The following AGBL1 variants were observed in gnomAD, a reference collection of about 807,000 sequenced individuals.
AGBL1 encodes the protein AGBL carboxypeptidase 1.
A neutral mutation model predicts 118.9 loss-of-function variants in AGBL1; 130 were observed. The ratio of observed to expected loss-of-function variants is 1.09; its 90% CI spans 0.95 to 1.26. AGBL1 has a LOEUF of 1.26. AGBL1 is among the 50% of genes most tolerant of loss of function. The pLI is 0.00. For missense variants in AGBL1, 1,584 were observed against 1,298.1 expected (o/e 1.22, Z -3.38); for synonymous variants, 555 against 478.9 (o/e 1.16, Z -2.08).
chr15:86,384,067 C>A (rs1160502641), intron 17 of AGBL1, among the ~76,000 whole-genome samples: 1 of 152,072 alleles, frequency 6.6e-6, no homozygotes, highest in African/African-American at 2.4e-5. Flanking sequence ...GTCCCCTTCC[C>A]ATCTCATTTT....
chr15:86,328,381 T>C (rs2080218707), intron 17 of AGBL1, among the ~76,000 whole-genome samples: 1 of 152,160 alleles, frequency 6.6e-6, no homozygotes, highest in African/African-American at 2.4e-5. Context: ...TACTAAGACA[T>C]CCCTTGAACT....
At chr15:86,439,955 C>G (rs1403816668) in intron 18 of AGBL1, among the ~76,000 whole-genome samples, 2 of 152,110 alleles carry the variant, frequency 1.3e-5, no homozygotes, top group Admixed American at 1.3e-4. Flanking sequence ...TTCATCAGTA[C>G]CCTAGCCAGT....
chr15:86,108,913 C>T (rs890420000), intron 1 of AGBL1, among the ~76,000 whole-genome samples: 18 of 152,218 alleles, frequency 1.2e-4, no homozygotes, highest in South Asian at 6.2e-4. Context: ...GCCAAGATCG[C>T]GCCACTGCTC....
At chr15:86,454,933 G>A (rs1006198588) in intron 18 of AGBL1, among the ~76,000 whole-genome samples, 3 of 152,150 alleles carry the variant, frequency 2.0e-5, no homozygotes, top group African/African-American at 7.2e-5. Context: ...CAAAACTAAT[G>A]CATGTTTGAA....
At chr15:86,507,522 G>T (rs1013771008) in intron 18 of AGBL1, among the ~76,000 whole-genome samples, 29 of 152,108 alleles carry the variant, frequency 1.9e-4, no homozygotes, top group Admixed American at 1.2e-3. Flanking sequence ...GAGAGAACAT[G>T]AACTAAACTA....
intron 18 of AGBL1, among the ~76,000 whole-genome samples, chr15:86,422,882 A>G (rs1011696499): frequency 9.9e-5 from 15 of 152,218 alleles, no homozygotes; most frequent in Non-Finnish European, 1.8e-4. Flanking sequence ...ACACACTCCC[A>G]AGATTAAACC....
intron 21 of AGBL1, among the ~76,000 whole-genome samples, chr15:86,593,455 T>G (rs1306240206): frequency 2.6e-5 from 4 of 152,172 alleles, no homozygotes; most frequent in African/African-American, 9.7e-5. Context: ...AGCTTAACAC[T>G]AAAGAGTATG....
At chr15:86,448,515 G>A (rs995348967) in intron 18 of AGBL1, among the ~76,000 whole-genome samples, 1 of 152,324 alleles carries the variant, frequency 6.6e-6, no homozygotes, top group East Asian at 1.9e-4. Context: ...CCCATTGTCA[G>A]TTAAGGAACA....
intron 22 of AGBL1, among the ~76,000 whole-genome samples, chr15:86,833,988 G>A (rs2079139924): frequency 6.6e-6 from 1 of 152,202 alleles, no homozygotes; most frequent in South Asian, 2.1e-4. Flanking sequence ...CTGCAGAACT[G>A]AAAGCTACAA....
intron 17 of AGBL1, among the ~76,000 whole-genome samples, chr15:86,310,679 T>C (rs1196163859): frequency 6.6e-6 from 1 of 152,110 alleles, no homozygotes; most frequent in Non-Finnish European, 1.5e-5. Flanking sequence ...GGTTGGACCA[T>C]GGGTCCACTG....
chr15:86,410,070 T>G (rs2142007808), intron 18 of AGBL1, among the ~76,000 whole-genome samples: 1 of 152,296 alleles, frequency 6.6e-6, no homozygotes, highest in Non-Finnish European at 1.5e-5. Context: ...GATAAGTTAT[T>G]TCTCAATTTC....
intron 5 of AGBL1, among the ~76,000 whole-genome samples, chr15:86,194,552 C>T (rs868535909): frequency 6.6e-6 from 1 of 152,224 alleles, no homozygotes; most frequent in Non-Finnish European, 1.5e-5. Context: ...AATTGATGCT[C>T]TCTGTGTTTG....
Position 86,142,043 on chromosome 15 carries a change from G to A in AGBL1, c.91G>A (p.Val31Ile). ...DKESILTILK[V>I]LGDLLSVGTD... ...GGAGTCCATCCTGACCATCCTCAAG[G>A]TCCTCGGAGATCTGCTTTCTGTTGG... The change falls in exon 2 of 23, where the codon GTC becomes ATC. Residue 31 changes from valine (V) to isoleucine (I), a missense_variant. Coordinates refer to ENST00000614907, the MANE Select transcript of AGBL1 (RefSeq NM_001386094.1). 3.2e-6 allele frequency: 5 copies of A among 1,550,162 alleles called. No homozygotes were observed. The highest frequency in any genetic ancestry group is 3.5e-6 in the Non-Finnish European group (4 of 1,146,808).
At chr15:86,358,558 C>G (rs1229913801) in intron 17 of AGBL1, among the ~76,000 whole-genome samples, 2 of 151,908 alleles carry the variant, frequency 1.3e-5, no homozygotes, top group African/African-American at 4.8e-5. Flanking sequence ...AGTGGGATTG[C>G]TGAATTATGT....
chr15:86,096,599 A>T (rs557158207), intron 1 of AGBL1, among the ~76,000 whole-genome samples: 1 of 152,330 alleles, frequency 6.6e-6, no homozygotes, highest in South Asian at 2.1e-4. Context: ...TTTTCAGGTC[A>T]TGCATCTATT....
intron 23 of AGBL1, among the ~76,000 whole-genome samples, chr15:86,932,201 G>T (rs975377025): frequency 6.6e-6 from 1 of 152,182 alleles, no homozygotes; most frequent in African/African-American, 2.4e-5. Flanking sequence ...CATTTGAAGA[G>T]CCCTGTTATA....
At chr15:86,534,513 T>A (rs2083396871) in intron 19 of AGBL1, among the ~76,000 whole-genome samples, 1 of 152,192 alleles carries the variant, frequency 6.6e-6, no homozygotes, top group Non-Finnish European at 1.5e-5. Context: ...AGCTTCTCAT[T>A]TGATGGGTCG....
chr15:86,636,362 C>T (rs754255540), intron 21 of AGBL1, among the ~76,000 whole-genome samples: 13 of 151,906 alleles, frequency 8.6e-5, no homozygotes, highest in East Asian at 1.9e-4. Context: ...CCATTTTCAC[C>T]GTTTCATCTG....
At chr15:86,594,466 G>T (rs2084380049) in intron 21 of AGBL1, among the ~76,000 whole-genome samples, 1 of 152,090 alleles carries the variant, frequency 6.6e-6, no homozygotes, top group African/African-American at 2.4e-5. Flanking sequence ...GTAAACTGAA[G>T]AATATTGCTA....
Sources: allele counts gnomAD v4.1 joint callset (sites outside exome capture counted in the v4.1 genomes callset), GRCh38; gene constraint gnomAD v4.1.1; transcripts MANE v1.5; gene names NCBI Gene and HGNC (gene_info 2026-07-23, HGNC 2026-07-21).